The following CLASP1 variants were observed in gnomAD, a reference collection of about 807,000 sequenced individuals.
The protein encoded by CLASP1 is cytoplasmic linker associated protein 1.
In CLASP1, 38 loss-of-function variants were observed where a neutral mutation model predicts 192.3. The observed-to-expected ratio is 0.20, with a 90% CI of 0.15 to 0.26. CLASP1 has a LOEUF of 0.26. Ranked by LOEUF, CLASP1 falls within the 10% of genes least tolerant of loss-of-function variation. The pLI is 1.00. For missense variants in CLASP1, 1,433 were observed against 1,932.5 expected (o/e 0.74, Z 4.85); for synonymous variants, 691 against 712.8 (o/e 0.97, Z 0.49).
chr2:121,586,867 T>C (rs1187326059), intron 2 of CLASP1, among the ~76,000 whole-genome samples: 1 of 152,212 alleles, frequency 6.6e-6, no homozygotes, highest in Non-Finnish European at 1.5e-5. Flanking sequence ...TGAGCATACT[T>C]TTCTCAAAGT....
rs746106700 is a variant in CLASP1, at chr2:121,605,898, T to A, written c.-3A>T. On this transcript the variant is annotated 5_prime_UTR_variant, in exon 2 of 40. Transcript: ENST00000263710. ...CAGGACTCCATGCGAGGCTCCATAG[T>A]GGAATTCAAATCCAGATCCAGCAAA... The A allele has an allele frequency of 2.5e-6, 4 of 1,613,092 alleles. No individual in the cohort carries two copies. In the Admixed American group the frequency reaches 6.7e-5, roughly 27 times the overall value.
At chr2:121,639,840 G>A (rs956372037) in intron 1 of CLASP1, among the ~76,000 whole-genome samples, 10 of 141,418 alleles carry the variant, frequency 7.1e-5, no homozygotes, top group African/African-American at 2.4e-4. Context: ...TTCAGCCTGG[G>A]CAACAAGAGG....
intron 1 of CLASP1, among the ~76,000 whole-genome samples, chr2:121,641,149 A>C (rs1435720228): frequency 6.6e-6 from 1 of 152,206 alleles, no homozygotes; most frequent in Admixed American, 6.5e-5. Flanking sequence ...TTAGGAAGGC[A>C]CTGCTACACA....
chr2:121,509,437 G>C (rs573649632), intron 7 of CLASP1, among the ~76,000 whole-genome samples: 2 of 152,300 alleles, frequency 1.3e-5, no homozygotes, highest in African/African-American at 4.8e-5. Flanking sequence ...GCCTCCCAAA[G>C]GGATGGGATT....
chr2:121,430,811 G>GT (rs1349442550), intron 19 of CLASP1, among the ~76,000 whole-genome samples: 1 of 152,114 alleles, frequency 6.6e-6, no homozygotes, highest in Non-Finnish European at 1.5e-5. Context: ...AAAAGAATCA[G>GT]TATTAGGAGT....
intron 1 of CLASP1, among the ~76,000 whole-genome samples, chr2:121,643,429 A>G (rs2034136): frequency 0.18 from 27,021 of 152,096 alleles, 4,089 homozygotes; most frequent in African/African-American, 0.41. Flanking sequence ...CAGAAGGCCC[A>G]GTTCTCAATC....
At chr2:121,380,252 C>T (rs369046047) in intron 33 of CLASP1, among the ~76,000 whole-genome samples, 12 of 152,212 alleles carry the variant, frequency 7.9e-5, no homozygotes, top group African/African-American at 2.9e-4. Flanking sequence ...GAGGGAGCAG[C>T]AGGACGGCCT....
chr2:121,591,577 T>C (rs945583165), intron 2 of CLASP1, among the ~76,000 whole-genome samples: 2 of 152,206 alleles, frequency 1.3e-5, no homozygotes, highest in African/African-American at 2.4e-5. Flanking sequence ...GAAGTCTCTC[T>C]TGATTGCCCT....
intron 2 of CLASP1, among the ~76,000 whole-genome samples, chr2:121,531,593 C>CAA (rs35331131): frequency 0.16 from 16,681 of 103,752 alleles, 2,329 homozygotes; most frequent in African/African-American, 0.39. Context: ...GACTCCATCT[C>CAA]AAAAAAAAAA....
chr2:121,366,077 A>G (rs555934090), intron 35 of CLASP1, among the ~76,000 whole-genome samples: 26 of 152,354 alleles, frequency 1.7e-4, no homozygotes, highest in African/African-American at 6.3e-4. Flanking sequence ...AAGATTGGGT[A>G]GCAAACACAC....
chr2:121,627,644 T>C (rs2068638107), intron 1 of CLASP1, among the ~76,000 whole-genome samples: 1 of 152,182 alleles, frequency 6.6e-6, no homozygotes, highest in South Asian at 2.1e-4. Flanking sequence ...TCCAAGCATG[T>C]TTACCTTGCT....
Position 121,593,120 on chromosome 2 carries a change from C to T in CLASP1, c.195+12581G>A, listed in dbSNP as rs982057788. 5.3e-5 allele frequency among the ~76,000 whole-genome samples: 8 copies of T among 152,122 alleles called. 1 individual carries two copies. The highest frequency in any genetic ancestry group is 4.6e-4 in the Admixed American group (7 of 15,260). ...AACCTGGCAAACACCTCTTTAACCA[C>T]GTAGGAGGAAGAGATATCGTGTGCC... On this transcript the variant is annotated intron_variant, in intron 2 of 39. Coordinates refer to ENST00000263710, the Ensembl canonical transcript of CLASP1.
At chr2:121,544,887 TTTTTC>T (rs1283024331) in intron 2 of CLASP1, among the ~76,000 whole-genome samples, 2 of 148,600 alleles carry the variant, frequency 1.3e-5, no homozygotes, top group Non-Finnish European at 3.0e-5. Context: ...TTTTTCTTTC[TTTTTC>T]TTTTCTTTTC....
intron 6 of CLASP1, among the ~76,000 whole-genome samples, chr2:121,522,466 A>G (rs1333871167): frequency 1.3e-5 from 2 of 152,244 alleles, no homozygotes; most frequent in African/African-American, 4.8e-5. Flanking sequence ...ACTAGGCAGG[A>G]AGTGCTAACT....
In CLASP1 at chr2:121,358,354, G is replaced by A. The variant is rs371852249; in HGVS notation, c.4206+4818C>T. 1.8e-4 allele frequency among the ~76,000 whole-genome samples: 27 copies of A among 152,220 alleles called. No individual in the cohort carries two copies. In the South Asian group the frequency reaches 5.6e-3, roughly 32 times the overall value. On this transcript the variant is annotated intron_variant, in intron 37 of 39. Transcript: ENST00000263710. ...GTCCACTTGATAGGGTAAGAGATAA[G>A]GAAAAACCAAAGTACAGAGGGGTAA...
At chr2:121,352,899 C>A (rs1439988809) in intron 37 of CLASP1, among the ~76,000 whole-genome samples, 1 of 152,002 alleles carries the variant, frequency 6.6e-6, no homozygotes, top group East Asian at 1.9e-4. Context: ...AGTGATCCAC[C>A]CACCTCAGCC....
chr2:121,404,316 C>G, intron 26 of CLASP1, 55 bp downstream of exon 27: 1 of 1,591,370 alleles, frequency 6.3e-7, no homozygotes. Flanking sequence ...GTATATCACA[C>G]AGAGCACACA....
chr2:121,523,883 T>C (rs1374631508), intron 6 of CLASP1, among the ~76,000 whole-genome samples: 1 of 151,990 alleles, frequency 6.6e-6, no homozygotes, highest in African/African-American at 2.4e-5. Context: ...TCGCTAAATA[T>C]ATGTGGAAGA....
chr2:121,515,858 C>T, intron 6 of CLASP1, 96 bp from the exon 7 acceptor site: 1 of 891,518 alleles, frequency 1.1e-6, no homozygotes. Context: ...CAATTTATCA[C>T]CATTTTACCA....
Sources: allele counts gnomAD v4.1 joint callset (sites outside exome capture counted in the v4.1 genomes callset), GRCh38; gene constraint gnomAD v4.1.1; transcripts MANE v1.5; gene names NCBI Gene and HGNC (gene_info 2026-07-23, HGNC 2026-07-21).